The following LAS1L variants were observed in gnomAD, a reference collection of about 807,000 sequenced individuals.
LAS1L encodes the protein ribosomal biogenesis protein LAS1L.
Under a neutral mutation model 57.3 loss-of-function variants are expected in LAS1L, and 5 were observed. The ratio of observed to expected loss-of-function variants is 0.09; its 90% CI spans 0.05 to 0.18. The LOEUF is 0.18. LAS1L is among the 10% of genes least tolerant of loss of function. The probability of loss-of-function intolerance (pLI) is 1.00; values close to 1 mark genes in which losing one functional copy is unlikely to be tolerated. For synonymous variants in LAS1L, 245 were observed against 231.7 expected (o/e 1.06, Z -0.52); for missense variants, 360 against 568.3 (o/e 0.63, Z 3.73).
Position 65,516,636 on chromosome X carries a change from TACACAC to T in LAS1L, c.1927+1345_1927+1350del, listed in dbSNP as rs57356313. Among the ~76,000 whole-genome samples the T allele has an allele frequency of 4.8e-3, 434 of 89,524 alleles. 1 individual carries two copies. Among genetic ancestry groups the T allele is most frequent in the African/African-American group, 0.014 (350 of 24,826 alleles). 77.7% of individuals were successfully genotyped at this position (89,524 alleles called of 115,157 possible). A position where few individuals can be genotyped will look rare whatever the true frequency, so the allele number is the denominator to read the frequency against. On this transcript the variant is annotated intron_variant, in intron 12 of 13. Coordinates refer to ENST00000374811, the MANE Select transcript of LAS1L (RefSeq NM_031206.7). ...TGCCCCTACTTTTCCCTTTTTCCTA[TACACAC>T]ACACACACACACACACACACACACA...
Position 65,524,378 on chromosome X carries a change from G to A in LAS1L, c.1094-116C>T, listed in dbSNP as rs972711887. 1.5e-5 allele frequency: 9 copies of A among 592,334 alleles called. No individual in the cohort carries two copies. The African/African-American group carries it at 1.8e-4, about 12-fold the overall frequency. 48.8% of individuals were successfully genotyped at this position (592,334 alleles called of 1,213,427 possible). On this transcript the variant is annotated intron_variant, in intron 9 of 13. Coordinates refer to ENST00000374811, the MANE Select transcript of LAS1L (RefSeq NM_031206.7). ...GAAGTGAGAGTGAGAGCAAGAGAAT[G>A]TGTGCGCGCGCATGAGCCAAGCCCC...
At chrX:65,527,545 A>G (rs1482897117) in intron 7 of LAS1L, among the ~76,000 whole-genome samples, 1 of 101,448 alleles carries the variant, frequency 9.9e-6, no homozygotes, top group Non-Finnish European at 2.0e-5. Context: ...GTAAAAAAAG[A>G]GAAAAGGCCA....
intron 11 of LAS1L, chrX:65,520,521 G>A: frequency 1.3e-6 from 1 of 753,882 alleles, no homozygotes; most frequent in Non-Finnish European, 1.6e-6. Context: ...ATACAATCTA[G>A]TGGAGTATTA....
chrX:65,521,134 A>C (rs996114690), intron 11 of LAS1L: 27 of 752,098 alleles, frequency 3.6e-5, no homozygotes, highest in Non-Finnish European at 4.1e-5. Flanking sequence ...CCACTTTTAA[A>C]ACCTTACAAA....
chrX:65,518,199 T>C lies in LAS1L; in HGVS notation c.1715A>G (p.Lys572Arg), dbSNP rs1325565712. Residue 572 changes from lysine (K) to arginine (R), a missense_variant, in exon 12 of 14, where the codon AAA becomes AGA. Lys to Arg is a conservative substitution (Grantham distance 26). Transcript: ENST00000374811. ...CTCTACCTGGTCTGGCAAGACCTCTTTCTCCTCCTTCTCCTCTTCCTTGAC... is the reference window on the plus strand; with the variant it reads ...CTCTACCTGGTCTGGCAAGACCTCTCTCTCCTCCTTCTCCTCTTCCTTGAC... ...NDVKEEEKEEKEVLPDQVEEE... is the reference protein window; with the variant it reads ...NDVKEEEKEEREVLPDQVEEE... 1 of 1,209,855 alleles carries C rather than the reference T, an allele frequency of 8.3e-7. No homozygotes were observed. The highest frequency in any genetic ancestry group is 2.2e-5 in the Admixed American group (1 of 46,054).
chrX:65,533,218 G>A (rs2069590796), intron 2 of LAS1L, among the ~76,000 whole-genome samples: 1 of 110,710 alleles, frequency 9.0e-6, no homozygotes, highest in South Asian at 3.9e-4. Flanking sequence ...GGAATAGACA[G>A]GGACAGGGTT....
In LAS1L at chrX:65,518,507, C is replaced by A. The variant is rs1301453527; in HGVS notation, c.1449-42G>T. ...ATGGGGTAGGAAAGATTCAAAATCT[C>A]AAGCCACTTCATACCCCAACACTCC... On this transcript the variant is annotated intron_variant, in intron 11 of 13. Coordinates refer to ENST00000374811, the MANE Select transcript of LAS1L (RefSeq NM_031206.7). The A allele has an allele frequency of 5.3e-6, 6 of 1,140,529 alleles. No individual in the cohort carries two copies. The Admixed American group carries it at 1.1e-4, about 21-fold the overall frequency. 94.0% of individuals were successfully genotyped at this position (1,140,529 alleles called of 1,213,427 possible).
chrX:65,527,418 T>C, intron 7 of LAS1L, among the ~76,000 whole-genome samples: 1 of 109,490 alleles, frequency 9.1e-6, no homozygotes, highest in Non-Finnish European at 1.9e-5. Flanking sequence ...TGCCTGTTGG[T>C]CCTAGCTACT....
intron 11 of LAS1L, among the ~76,000 whole-genome samples, chrX:65,519,371 T>C (rs997874109): frequency 9.0e-6 from 1 of 111,722 alleles, no homozygotes; most frequent in East Asian, 2.8e-4. Context: ...CAAGTGACCA[T>C]GTGGAGGCTG....
At chrX:65,526,681 TC>T (rs1309472381) in intron 7 of LAS1L, among the ~76,000 whole-genome samples, 10 of 111,213 alleles carry the variant, frequency 9.0e-5, no homozygotes, top group African/African-American at 3.3e-4. Flanking sequence ...CCAAAGCCCT[TC>T]CAGCTGAATT....
At chrX:65,519,850 A>C (rs945874491) in intron 11 of LAS1L, among the ~76,000 whole-genome samples, 9 of 111,412 alleles carry the variant, frequency 8.1e-5, no homozygotes, top group Admixed American at 6.7e-4. Flanking sequence ...TGATGACTTC[A>C]CTGGAGATCC....
intron 3 of LAS1L, 44 bp from the exon 4 acceptor site, chrX:65,531,482 T>G (rs1381410754): frequency 1.0e-6 from 1 of 976,295 alleles, no homozygotes. Context: ...GGAAAATAAT[T>G]ATTAAAGCTG....
chrX:65,534,079 G>C (rs773046731), intron 1 of LAS1L, among the ~76,000 whole-genome samples: 9 of 111,272 alleles, frequency 8.1e-5, no homozygotes, highest in African/African-American at 2.6e-4. Flanking sequence ...TTACCAACTG[G>C]ACTGAGGCGC....
At chrX:65,520,690 A>G (rs1221133850) in intron 11 of LAS1L, 1 of 752,142 alleles carries the variant, frequency 1.3e-6, no homozygotes, top group Non-Finnish European at 1.6e-6. Context: ...ATCTGTGCAC[A>G]AGAAATCGTA....
At chrX:65,514,401 T>A (rs1398404854) in intron 13 of LAS1L, among the ~76,000 whole-genome samples, 1 of 111,060 alleles carries the variant, frequency 9.0e-6, no homozygotes, top group Non-Finnish European at 1.9e-5. Flanking sequence ...TTTCTGGGCC[T>A]CAGTTTTCTC....
intron 13 of LAS1L, 34 bp downstream of exon 13, chrX:65,514,789 G>A: frequency 8.8e-7 from 1 of 1,136,699 alleles, no homozygotes; most frequent in Non-Finnish European, 1.2e-6. Flanking sequence ...GGCAGAGAAA[G>A]GGGGTGAGAA....
At chrX:65,524,413 A>T (rs2069019790) in intron 9 of LAS1L, 151 bp from the exon 10 acceptor site, 1 of 501,736 alleles carries the variant, frequency 2.0e-6, no homozygotes, top group Non-Finnish European at 3.6e-6. Flanking sequence ...CCCACCAACA[A>T]CAGAGTTGCC....
intron 12 of LAS1L, 135 bp downstream of exon 12, chrX:65,517,852 T>C (rs2068707705): frequency 1.9e-6 from 2 of 1,042,884 alleles, no homozygotes; most frequent in Admixed American, 3.9e-5. Context: ...CTGTCATCTA[T>C]GCACCAGGCT....
intron 13 of LAS1L, among the ~76,000 whole-genome samples, chrX:65,513,434 C>T (rs1285592500): frequency 1.8e-5 from 2 of 112,228 alleles, no homozygotes; most frequent in Non-Finnish European, 3.8e-5. Context: ...CCCTGCTTCC[C>T]GCAAGTCAAG....
Sources: allele counts gnomAD v4.1 joint callset (sites outside exome capture counted in the v4.1 genomes callset), GRCh38; gene constraint gnomAD v4.1.1; transcripts MANE v1.5; gene names NCBI Gene and HGNC (gene_info 2026-07-23, HGNC 2026-07-21).